CSMD2: variants seen among roughly 807,000 people sequenced by gnomAD.
CSMD2 encodes the protein CUB and Sushi multiple domains 2.
A neutral mutation model predicts 398.5 loss-of-function variants in CSMD2; 130 were observed. That is an observed-to-expected ratio of 0.33 (90% confidence interval 0.28 to 0.38). CSMD2 has a LOEUF of 0.38. CSMD2 is among the 10% of genes least tolerant of loss of function. The pLI, the probability that CSMD2 is intolerant of heterozygous loss-of-function variation, is 1.00. For synonymous variants in CSMD2, 1,828 were observed against 1,908.5 expected, an observed-to-expected ratio of 0.96 and a Z score of 1.10; for missense variants, 3,829 against 4,764.9, an observed-to-expected ratio of 0.80 and a Z score of 5.78.
intron 13 of CSMD2, among the ~76,000 whole-genome samples, chr1:33,758,083 C>G (rs1047340382): frequency 6.6e-6 from 1 of 152,222 alleles, no homozygotes; most frequent in Admixed American, 6.5e-5. Context: ...ACAAAAGACT[C>G]TCAGTGACCT....
intron 2 of CSMD2, among the ~76,000 whole-genome samples, chr1:34,062,241 C>G (rs1654595915): frequency 6.6e-6 from 1 of 152,208 alleles, no homozygotes. Context: ...CCCACCAGGC[C>G]CTCTGAGACT....
At chr1:33,797,813 A>G (rs1029489292) in intron 10 of CSMD2, among the ~76,000 whole-genome samples, 1 of 152,184 alleles carries the variant, frequency 6.6e-6, no homozygotes, top group Admixed American at 6.5e-5. Flanking sequence ...CCTTCCAGCC[A>G]GCCCTGGGGC....
At chr1:33,893,934 T>C (rs1260820490) in intron 5 of CSMD2, among the ~76,000 whole-genome samples, 1 of 152,204 alleles carries the variant, frequency 6.6e-6, no homozygotes, top group Non-Finnish European at 1.5e-5. Flanking sequence ...GTCCTCTTGC[T>C]CACTGGCTGC....
At chr1:33,878,504 G>T (rs1159123368) in intron 5 of CSMD2, among the ~76,000 whole-genome samples, 1 of 152,238 alleles carries the variant, frequency 6.6e-6, no homozygotes, top group African/African-American at 2.4e-5. Context: ...TCTCTTCAAA[G>T]GAGCCATTAT....
At position 34,004,976 on chromosome 1, in the gene CSMD2, G is replaced by A. The variant is rs35967825; in HGVS notation, c.517+27618C>T. ...CTGAGCCCTGACCTGGGGGTCATTCGACAATTACCCCTGAAGACAATGGGC... is the reference window on the plus strand; with the variant it reads ...CTGAGCCCTGACCTGGGGGTCATTCAACAATTACCCCTGAAGACAATGGGC... On this transcript the variant is annotated intron_variant, in intron 3 of 70. Transcript: ENST00000373381. Among the ~76,000 whole-genome samples, 723 of 152,166 alleles carry A rather than the reference G, an allele frequency of 4.8e-3. 2 individuals carry two copies. The highest frequency in any genetic ancestry group is 6.8e-3 in the African/African-American group (282 of 41,500).
At chr1:33,652,531 T>C (rs1643817124) in intron 27 of CSMD2, 70 bp from the exon 28 acceptor site, 12 of 1,571,692 alleles carry the variant, frequency 7.6e-6, no homozygotes, top group Non-Finnish European at 1.0e-5. Context: ...GTGTTGCTAA[T>C]GCACTATTGA....
rs762727203 is a variant in CSMD2 at position 34,154,415 on chromosome 1, G to T, written c.187+10496C>A. Among the ~76,000 whole-genome samples, 3 of 152,302 alleles carry T rather than the reference G, an allele frequency of 2.0e-5. No homozygotes were observed. The South Asian group carries it at 6.2e-4, about 32-fold the overall frequency. ...TAGTCCAGAACTATTCTCACACAGG[G>T]TCCCAAATGGGAATGTACAAGGATG... On this transcript the variant is annotated intron_variant, in intron 1 of 70. Coordinates refer to ENST00000373381, the MANE Select transcript of CSMD2 (RefSeq NM_001281956.2).
chr1:33,550,458 A>C, intron 55 of CSMD2, 108 bp from the exon 56 acceptor site: 1 of 1,212,702 alleles, frequency 8.2e-7, no homozygotes, highest in Non-Finnish European at 1.1e-6. Context: ...AGAGAAACCC[A>C]AGGGTATCTG....
chr1:34,032,764 C>T (rs570851778), intron 2 of CSMD2, 58 bp from the exon 3 acceptor site: 83 of 1,237,740 alleles, frequency 6.7e-5, no homozygotes, highest in Middle Eastern at 1.8e-4. Flanking sequence ...TACACATCCA[C>T]GAAGCATTTA....
intron 68 of CSMD2, 33 bp downstream of exon 68, chr1:33,521,428 CGG>C: frequency 2.6e-6 from 3 of 1,165,598 alleles, no homozygotes; most frequent in Non-Finnish European, 3.9e-6. Flanking sequence ...CCCACCCACC[CGG>C]GCCCACACTT....
chr1:33,743,056 C>A (rs1180963526), intron 14 of CSMD2, among the ~76,000 whole-genome samples: 1 of 152,174 alleles, frequency 6.6e-6, no homozygotes. Context: ...GAGATAAATG[C>A]CCTTCAGAGA....
chr1:33,539,322 T>C (rs2148588567), intron 60 of CSMD2, among the ~76,000 whole-genome samples: 1 of 152,270 alleles, frequency 6.6e-6, no homozygotes, highest in South Asian at 2.1e-4. Context: ...GTGATTAAGT[T>C]GGAGATAATC....
intron 53 of CSMD2, 97 bp downstream of exon 53, chr1:33,567,496 T>TATATATA (rs61334036): frequency 3.6e-5 from 34 of 934,354 alleles, no homozygotes; most frequent in Middle Eastern, 3.4e-4. Flanking sequence ...TATATATATA[T>TATATATA]TTAAAACAAA....
intron 24 of CSMD2, among the ~76,000 whole-genome samples, chr1:33,696,880 C>T (rs1477156825): frequency 2.6e-5 from 4 of 152,136 alleles, no homozygotes; most frequent in South Asian, 2.1e-4. Flanking sequence ...AGTCCACTCA[C>T]CGAAGAATAA....
At chr1:33,737,778 C>T (rs1646931366) in intron 15 of CSMD2, among the ~76,000 whole-genome samples, 1 of 152,170 alleles carries the variant, frequency 6.6e-6, no homozygotes, top group South Asian at 2.1e-4. Context: ...AAGTATCAAA[C>T]AACACACCAG....
intron 5 of CSMD2, among the ~76,000 whole-genome samples, chr1:33,858,293 T>G (rs1463264809): frequency 2.0e-5 from 3 of 152,236 alleles, no homozygotes; most frequent in Non-Finnish European, 4.4e-5. Flanking sequence ...AAGACTCACC[T>G]GAATCTTTTA....
Position 33,851,264 on chromosome 1 carries a change from C to T in CSMD2, c.921-4268G>A, listed in dbSNP as rs948089547. On this transcript the variant is annotated intron_variant, in intron 5 of 70. Coordinates refer to ENST00000373381, the MANE Select transcript of CSMD2 (RefSeq NM_001281956.2). Reference sequence around the variant, plus strand: ...TAATGTACACGATTCAGCTGCAATGCCTTCTTTTCTGTTCAGCCTCCATTC... The same window carrying T: ...TAATGTACACGATTCAGCTGCAATGTCTTCTTTTCTGTTCAGCCTCCATTC... Among the ~76,000 whole-genome samples, 23 of 152,262 alleles carry T rather than the reference C, an allele frequency of 1.5e-4. 1 individual carries two copies. The highest frequency in any genetic ancestry group is 2.9e-5 in the Non-Finnish European group (2 of 68,018).
intron 1 of CSMD2, among the ~76,000 whole-genome samples, chr1:34,162,767 G>A (rs1404962062): frequency 6.6e-6 from 1 of 152,164 alleles, no homozygotes; most frequent in Admixed American, 6.5e-5. Context: ...ACTGAGGCAG[G>A]AGAATCGCTT....
At chr1:33,542,170 A>C (rs1238682105) in intron 58 of CSMD2, among the ~76,000 whole-genome samples, 1 of 152,140 alleles carries the variant, frequency 6.6e-6, no homozygotes, top group East Asian at 1.9e-4. Context: ...TCCCACAGTG[A>C]CTCACTTTTC....
Sources: allele counts gnomAD v4.1 joint callset (sites outside exome capture counted in the v4.1 genomes callset), GRCh38; gene constraint gnomAD v4.1.1; transcripts MANE v1.5; gene names NCBI Gene and HGNC (gene_info 2026-07-23, HGNC 2026-07-21).